Variants in PABPC4L observed in about 807,000 individuals in gnomAD.
The protein encoded by PABPC4L is poly(A) binding protein cytoplasmic 4 like.
For synonymous variants in PABPC4L, 169 were observed against 164.1 expected (o/e 1.03, Z -0.23); for missense variants, 452 against 451.4 (o/e 1.00, Z -0.01).
At chr4:134,187,690 C>T in the PABPC4L span, among the ~76,000 whole-genome samples, 1 of 151,862 alleles carries the variant, frequency 6.6e-6, no homozygotes, top group Non-Finnish European at 1.5e-5. Context: ...TCTTTTTTCC[C>T]TGATAAATTA....
the PABPC4L span, among the ~76,000 whole-genome samples, chr4:134,035,404 T>C: frequency 4.6e-5 from 7 of 150,764 alleles, no homozygotes; most frequent in East Asian, 1.0e-3. Context: ...ATTTAGAACA[T>C]TTATTTTGGA....
At chr4:134,151,505 T>C in the PABPC4L span, among the ~76,000 whole-genome samples, 2 of 152,084 alleles carry the variant, frequency 1.3e-5, no homozygotes, top group African/African-American at 4.8e-5. Context: ...TTAAATATTC[T>C]TTCTGATCAT....
At chr4:134,201,870 A>C (rs1472587319), upstream of PABPC4L, 2 of 152,222 alleles carry the variant, frequency 1.3e-5, no homozygotes, top group African/African-American at 4.8e-5. Context: ...CCCTCCTCAG[A>C]TGGCTAAGCT....
chr4:133,957,748 T>C, the PABPC4L span, among the ~76,000 whole-genome samples: 9 of 152,236 alleles, frequency 5.9e-5, no homozygotes, highest in Non-Finnish European at 1.3e-4. Flanking sequence ...ATCTCAATTC[T>C]TCACTTTTGT....
chr4:133,981,266 A>G, the PABPC4L span, among the ~76,000 whole-genome samples: 9 of 152,218 alleles, frequency 5.9e-5, no homozygotes, highest in African/African-American at 1.9e-4. Flanking sequence ...GCAACCCTCA[A>G]TTAGGTTTTA....
the PABPC4L span, among the ~76,000 whole-genome samples, chr4:133,988,905 C>T: frequency 6.6e-6 from 1 of 152,138 alleles, no homozygotes; most frequent in Non-Finnish European, 1.5e-5. Context: ...GTTCCCAAAC[C>T]TAAATTCTTG....
chr4:134,029,902 T>C, the PABPC4L span, among the ~76,000 whole-genome samples: 1 of 152,052 alleles, frequency 6.6e-6, no homozygotes, highest in African/African-American at 2.4e-5. Context: ...TGGGGACAGT[T>C]GACCCCATGC....
the PABPC4L span, among the ~76,000 whole-genome samples, chr4:133,988,767 G>A: frequency 6.6e-6 from 1 of 152,144 alleles, no homozygotes; most frequent in African/African-American, 2.4e-5. Context: ...ACCCTGTGTG[G>A]GTGCACCAAC....
the PABPC4L span, among the ~76,000 whole-genome samples, chr4:134,046,385 G>A: frequency 9.7e-4 from 148 of 152,212 alleles, 1 homozygote; most frequent in African/African-American, 3.5e-3. Flanking sequence ...ATTGCCGCCA[G>A]CATATTTCGC....
chr4:134,187,364 TA>T, the PABPC4L span, among the ~76,000 whole-genome samples: 1 of 151,782 alleles, frequency 6.6e-6, no homozygotes, highest in African/African-American at 2.4e-5. Context: ...TATTCAGCCA[TA>T]AAAAAGGATG....
At chr4:133,960,447 C>T in the PABPC4L span, among the ~76,000 whole-genome samples, 1 of 152,262 alleles carries the variant, frequency 6.6e-6, no homozygotes, top group African/African-American at 2.4e-5. Context: ...GCAGGCCATT[C>T]CTGCCTGGCA....
the PABPC4L span, among the ~76,000 whole-genome samples, chr4:134,091,314 C>T: frequency 1.3e-5 from 2 of 151,350 alleles, no homozygotes; most frequent in African/African-American, 2.4e-5. Context: ...TTTTTTTATA[C>T]GAAGACAATT....
chr4:134,051,531 A>C, the PABPC4L span, among the ~76,000 whole-genome samples: 1 of 152,136 alleles, frequency 6.6e-6, no homozygotes, highest in African/African-American at 2.4e-5. Flanking sequence ...TAAAGAACGG[A>C]TGTAGTCAAA....
the PABPC4L span, among the ~76,000 whole-genome samples, chr4:134,061,317 AT>A: frequency 6.6e-6 from 1 of 151,970 alleles, no homozygotes; most frequent in African/African-American, 2.4e-5. Context: ...AATTCAAAAA[AT>A]TTCCCAGGGC....
the PABPC4L span, among the ~76,000 whole-genome samples, chr4:133,981,172 A>AT: frequency 6.6e-6 from 1 of 151,986 alleles, no homozygotes; most frequent in Admixed American, 6.6e-5. Flanking sequence ...GAAAAAAAAA[A>AT]AATAGTAACA....
chr4:134,164,605 G>T, the PABPC4L span, among the ~76,000 whole-genome samples: 1 of 152,122 alleles, frequency 6.6e-6, no homozygotes, highest in South Asian at 2.1e-4. Flanking sequence ...ATACAAAAGT[G>T]TGGTAACATA....
chr4:134,152,869 C>T, the PABPC4L span, among the ~76,000 whole-genome samples: 1 of 152,126 alleles, frequency 6.6e-6, no homozygotes, highest in Non-Finnish European at 1.5e-5. Context: ...AGATTGCCTC[C>T]ACTCATGGTA....
At chr4:133,994,564 A>G in the PABPC4L span, among the ~76,000 whole-genome samples, 1 of 152,188 alleles carries the variant, frequency 6.6e-6, no homozygotes, top group Non-Finnish European at 1.5e-5. Flanking sequence ...CCCGAGGCCA[A>G]GTTTCTGGCC....
chr4:133,959,788 T>C, the PABPC4L span, among the ~76,000 whole-genome samples: 1 of 152,274 alleles, frequency 6.6e-6, no homozygotes, highest in African/African-American at 2.4e-5. Flanking sequence ...TGCCTATAAA[T>C]GTGAAGGTTT....
Sources: gnomAD v4.1 joint callset for allele counts (sites outside exome capture counted in the v4.1 genomes callset) on GRCh38, gnomAD v4.1.1 for gene constraint, MANE v1.5 for transcripts, NCBI Gene and HGNC (gene_info 2026-07-23, HGNC 2026-07-21) for gene names.